Variants in FRMD3 observed in about 807,000 individuals in gnomAD.
The protein encoded by FRMD3 is FERM domain-containing protein 3.
A neutral mutation model predicts 70.2 loss-of-function variants in FRMD3; 33 were observed. That is an observed-to-expected ratio of 0.47 (90% CI 0.36 to 0.63). The LOEUF (loss-of-function observed/expected upper bound fraction) is 0.63, where lower values mean the gene tolerates loss of function less well. Ranked by LOEUF, FRMD3 falls within the 20% of genes least tolerant of loss-of-function variation. The pLI is 0.00. For synonymous variants in FRMD3, 279 were observed against 255.9 expected (o/e 1.09, Z -0.86); for missense variants, 632 against 711.4 (o/e 0.89, Z 1.27).
intron 1 of FRMD3, among the ~76,000 whole-genome samples, chr9:83,490,790 T>A (rs920377211): frequency 0.016 from 1,920 of 122,158 alleles, 14 homozygotes; most frequent in Non-Finnish European, 0.022. Flanking sequence ...TCTCTCTCTC[T>A]CTCTCTCTCA....
At chr9:83,338,907 C>T (rs1363485969) in intron 5 of FRMD3, among the ~76,000 whole-genome samples, 2 of 152,180 alleles carry the variant, frequency 1.3e-5, no homozygotes, top group African/African-American at 4.8e-5. Context: ...TACACACATA[C>T]ACGCTTGTGC....
Position 83,316,361 on chromosome 9 carries a change from T to TA in FRMD3, c.597-2615dup, listed in dbSNP as rs564303175. ...TAGTAGAGATGGGGTTTCGACATGT[T>TA]AGCCAGGCTAGTCTTGAAGTCCTGA... On this transcript the variant is annotated intron_variant, in intron 6 of 13. Transcript: ENST00000304195. Among the ~76,000 whole-genome samples, 30 of 152,220 alleles carry TA rather than the reference T, an allele frequency of 2.0e-4. 1 individual carries two copies. The South Asian group carries it at 6.0e-3, about 31-fold the overall frequency.
chr9:83,349,870 A>G, intron 3 of FRMD3, 113 bp from the exon 4 acceptor site: 1 of 514,626 alleles, frequency 1.9e-6, no homozygotes, highest in Admixed American at 3.1e-5. Context: ...AGTGGGGGCC[A>G]GGAGGGGGTG....
rs1325237170 is a variant in FRMD3, at chr9:83,372,905, A to G, written c.295+8T>C. ...GTAGCAAAAGTAAAGTCACAGATTG[A>G]CACTTACTTTTCATTTGCTTGAAGA... On this transcript the variant is annotated splice_region_variant and intron_variant, in intron 3 of 13. Coordinates refer to ENST00000304195, the MANE Select transcript of FRMD3 (RefSeq NM_174938.6). The G allele has an allele frequency of 6.2e-7, 1 of 1,609,680 alleles. No individual in the cohort carries two copies. Among genetic ancestry groups the G allele is most frequent in the East Asian group, 2.2e-5 (1 of 44,848 alleles).
intron 5 of FRMD3, among the ~76,000 whole-genome samples, 180 bp downstream of exon 5, chr9:83,343,010 C>G (rs902423452): frequency 6.6e-6 from 1 of 152,092 alleles, no homozygotes; most frequent in Non-Finnish European, 1.5e-5. Flanking sequence ...AGCCTTTCAC[C>G]GGGACCCCAC....
At chr9:83,383,204 G>C (rs1053900756) in intron 2 of FRMD3, among the ~76,000 whole-genome samples, 1 of 152,202 alleles carries the variant, frequency 6.6e-6, no homozygotes, top group Non-Finnish European at 1.5e-5. Flanking sequence ...GCTAAACACC[G>C]CTGAGTGATC....
At chr9:83,488,771 C>T (rs1389672198) in intron 1 of FRMD3, among the ~76,000 whole-genome samples, 2 of 152,122 alleles carry the variant, frequency 1.3e-5, no homozygotes, top group African/African-American at 4.8e-5. Flanking sequence ...CCATCAACAC[C>T]GCCCCATTAA....
chr9:83,243,531 G>GAGTA (rs897495733), downstream of FRMD3, among the ~76,000 whole-genome samples: 6 of 152,180 alleles, frequency 3.9e-5, no homozygotes, highest in Non-Finnish European at 7.3e-5. Context: ...ACTGCTCAGT[G>GAGTA]AGTAAGTGGC....
the FRMD3 span, among the ~76,000 whole-genome samples, chr9:83,552,039 T>G: frequency 1.1e-4 from 16 of 152,220 alleles, no homozygotes; most frequent in Admixed American, 1.0e-3. Flanking sequence ...TTCTTGCTTC[T>G]TCAATTCTTT....
intron 1 of FRMD3, among the ~76,000 whole-genome samples, chr9:83,530,238 T>G (rs981048682): frequency 1.3e-5 from 2 of 152,220 alleles, no homozygotes; most frequent in Non-Finnish European, 2.9e-5. Flanking sequence ...AACCCAAATG[T>G]TCAACTAATG....
chr9:83,534,339 G>A lies in FRMD3; in HGVS notation c.147+3746C>T, dbSNP rs144023428. ...TCTTATTGGAACTGACCACCAGTCT[G>A]CTGAGACTGGACCACTAGGTTGTGT... On this transcript the variant is annotated intron_variant, in intron 1 of 13. Coordinates refer to ENST00000304195, the MANE Select transcript of FRMD3 (RefSeq NM_174938.6). Among the ~76,000 whole-genome samples, 1,136 of 152,352 alleles carry A rather than the reference G, an allele frequency of 7.5e-3. 13 individuals are homozygous for A. The highest frequency in any genetic ancestry group is 0.023 in the African/African-American group (958 of 41,574).
chr9:83,532,782 TG>T (rs149889990), intron 1 of FRMD3, among the ~76,000 whole-genome samples: 13,133 of 152,240 alleles, frequency 0.086, 643 homozygotes, highest in African/African-American at 0.12. Context: ...TGGAATCTGA[TG>T]GGAAAACTGA....
chr9:83,292,648 T>C (rs1758869075), intron 12 of FRMD3, among the ~76,000 whole-genome samples: 1 of 152,024 alleles, frequency 6.6e-6, no homozygotes, highest in South Asian at 2.1e-4. Context: ...CTTTGTATTT[T>C]TTATTTTTTA....
intron 6 of FRMD3, among the ~76,000 whole-genome samples, chr9:83,330,207 A>T (rs7874577): frequency 0.013 from 2,021 of 152,208 alleles, 58 homozygotes; most frequent in African/African-American, 0.046. Context: ...TTTACCAAAA[A>T]TACAAAATTA....
chr9:83,367,084 A>G (rs550449190), intron 3 of FRMD3, among the ~76,000 whole-genome samples: 1 of 152,354 alleles, frequency 6.6e-6, no homozygotes, highest in East Asian at 1.9e-4. Flanking sequence ...GTTGCATAGC[A>G]ACATTCCTTC....
intron 1 of FRMD3, among the ~76,000 whole-genome samples, chr9:83,405,015 A>G (rs145755289): frequency 2.6e-5 from 4 of 152,326 alleles, no homozygotes; most frequent in African/African-American, 9.6e-5. Context: ...CATGTTATCT[A>G]GAAGTACTGC....
chr9:83,560,276 T>G, the FRMD3 span, among the ~76,000 whole-genome samples: 1 of 152,234 alleles, frequency 6.6e-6, no homozygotes, highest in Non-Finnish European at 1.5e-5. Flanking sequence ...CACCGGAATT[T>G]AAGTGAAAGT....
chr9:83,408,931 AGAAG>A (rs1372554259), intron 1 of FRMD3, among the ~76,000 whole-genome samples: 1 of 152,206 alleles, frequency 6.6e-6, no homozygotes, highest in Non-Finnish European at 1.5e-5. Context: ...GAAAGAGGCG[AGAAG>A]GAAGAGAGCA....
At chr9:83,360,020 TC>T (rs1188672890) in intron 3 of FRMD3, among the ~76,000 whole-genome samples, 3 of 152,302 alleles carry the variant, frequency 2.0e-5, no homozygotes, top group Non-Finnish European at 2.9e-5. Context: ...GGCACTGTCA[TC>T]TCTCAGGGAG....
Sources: allele counts gnomAD v4.1 joint callset (sites outside exome capture counted in the v4.1 genomes callset), GRCh38; gene constraint gnomAD v4.1.1; transcripts MANE v1.5; gene names NCBI Gene and HGNC (gene_info 2026-07-23, HGNC 2026-07-21).